ADAM33: variants seen among roughly 807,000 people sequenced by gnomAD.
ADAM33 encodes the protein disintegrin and metalloproteinase domain-containing protein 33.
ADAM33 carries 103 observed loss-of-function variants against 106.2 expected under a neutral mutation model. The observed-to-expected ratio is 0.97, with a 90% CI of 0.83 to 1.14. The LOEUF is 1.14. ADAM33 is among the 50% of genes most tolerant of loss of function. The pLI, the probability that ADAM33 is intolerant of heterozygous loss-of-function variation, is 0.00. For synonymous variants in ADAM33, 483 were observed against 453.0 expected, an observed-to-expected ratio of 1.07 and a Z score of -0.84; for missense variants, 1,120 against 1,096.6, an observed-to-expected ratio of 1.02 and a Z score of -0.30.
At chr20:3,680,097 G>A (rs532184596) in intron 1 of ADAM33, among the ~76,000 whole-genome samples, 63 of 152,246 alleles carry the variant, frequency 4.1e-4, no homozygotes, top group Non-Finnish European at 7.6e-4. Flanking sequence ...TGGTACCCTG[G>A]CCCAGAAGGC....
intron 2 of ADAM33, 50 bp downstream of exon 2, chr20:3,679,442 G>T: frequency 6.5e-7 from 1 of 1,547,776 alleles, no homozygotes; most frequent in Non-Finnish European, 8.8e-7. Context: ...GAGACAAAAG[G>T]GCTGGGAGGT....
chr20:3,678,123 T>G (rs2088137408), intron 2 of ADAM33, among the ~76,000 whole-genome samples: 1 of 152,244 alleles, frequency 6.6e-6, no homozygotes, highest in African/African-American at 2.4e-5. Context: ...GGAATGCCAC[T>G]TGCTTTATTG....
intron 14 of ADAM33, 27 bp downstream of exon 14, chr20:3,672,107 G>A (rs1331029504): frequency 5.0e-6 from 8 of 1,597,302 alleles, no homozygotes; most frequent in Non-Finnish European, 6.0e-6. Context: ...TGGGGGGCAG[G>A]GTGCAAGGGT....
At chr20:3,670,616 A>G in intron 19 of ADAM33, 1 of 203,070 alleles carries the variant, frequency 4.9e-6, no homozygotes, top group East Asian at 1.1e-4. Context: ...GAAGTGGCAA[A>G]GGGCCGAAAA....
In ADAM33 at chr20:3,673,469, C is replaced by T; in HGVS notation, c.1018G>A (p.Ala340Thr). The T allele has an allele frequency of 2.6e-6, 4 of 1,542,624 alleles. No individual in the cohort carries two copies. The highest frequency in any genetic ancestry group is 2.6e-6 in the Non-Finnish European group (3 of 1,151,428). ...TDHSELPIGA[A>T]ATMAHEIGHS... is the part of the protein sequence containing the mutation. ...CCGATCTCATGGGCCATGGTGGCTG[C>T]GGCGCCGATGGGGAGCTCCGAGTGG... Residue 340 changes from alanine to threonine, a missense_variant, in exon 11 of 22, where the codon GCA (alanine) becomes ACA (threonine). Physicochemically the swap from Ala to Thr is moderately conservative, Grantham distance 58. Coordinates refer to ENST00000356518, the MANE Select transcript of ADAM33 (RefSeq NM_025220.5).
chr20:3,675,126 G>C lies in ADAM33; in HGVS notation c.255-21C>G. On this transcript the variant is annotated intron_variant, in intron 3 of 21. Coordinates refer to ENST00000356518, the MANE Select transcript of ADAM33 (RefSeq NM_025220.5). This position sits in a 1 kb window ranked among gnomAD's most constrained non-coding sequence, Gnocchi z 4.1. ...GCCTGCTGAGAGGGGGTGTTACAGGGAACACTGAATTCAGCTTCCTCCTGC... is the reference window on the plus strand; with the variant it reads ...GCCTGCTGAGAGGGGGTGTTACAGGCAACACTGAATTCAGCTTCCTCCTGC... The C allele has an allele frequency of 1.9e-6, 3 of 1,582,494 alleles. No individual in the cohort carries two copies. In the South Asian group the frequency reaches 3.4e-5, roughly 18 times the overall value.
chr20:3,681,463 G>A (rs2088484565), intron 1 of ADAM33, among the ~76,000 whole-genome samples: 1 of 152,186 alleles, frequency 6.6e-6, no homozygotes, highest in South Asian at 2.1e-4. Flanking sequence ...GGGACTCTGG[G>A]GGACTCTTGG....
At chr20:3,673,046 G>A in intron 11 of ADAM33, 148 bp from the exon 12 acceptor site, 3 of 1,434,942 alleles carry the variant, frequency 2.1e-6, no homozygotes, top group Non-Finnish European at 1.8e-6. Flanking sequence ...CACAACAAGC[G>A]GGACAGGGGA....
rs1263119887 is a variant in ADAM33 at position 3,673,598 on chromosome 20, G to C, written c.966C>G (p.Ala322=). Residue 322 remains alanine, a synonymous_variant, in exon 10 of 22, where the codon GCC becomes GCG. Coordinates refer to ENST00000356518, the MANE Select transcript of ADAM33 (RefSeq NM_025220.5). The part of the protein sequence containing the change: ...GLAPVEGMCR[A]ESSGGVSTDH... ...CCGTGCTCACGCCTCCCGAGCTCTC[G>C]GCGCGGCACATGCCCTCGACGGGCG... 2.3e-5 allele frequency: 31 copies of C among 1,370,818 alleles called. No homozygotes were observed. The highest frequency in any genetic ancestry group is 2.8e-5 in the Non-Finnish European group (30 of 1,069,406). The allele number at this position is 1,370,818 out of a possible 1,614,324, so 84.9% of individuals were successfully genotyped here. A position where few individuals can be genotyped will look rare whatever the true frequency, so the allele number is the denominator to read the frequency against.
At chr20:3,673,206 T>A in intron 11 of ADAM33, 148 bp downstream of exon 11, 1 of 1,531,788 alleles carries the variant, frequency 6.5e-7, no homozygotes, top group Non-Finnish European at 8.7e-7. Flanking sequence ...TTCTTCCCTT[T>A]AAGCCTCATA....
intron 1 of ADAM33, 131 bp downstream of exon 1, chr20:3,681,777 A>T (rs938188026): frequency 3.0e-5 from 40 of 1,340,630 alleles, no homozygotes; most frequent in Non-Finnish European, 3.7e-5. Flanking sequence ...CCACGCCCTG[A>T]CCTACTGGCC....
At position 3,681,994 on chromosome 20, in the gene ADAM33, C is replaced by T. The variant is rs1182488160; in HGVS notation, c.11G>A (p.Arg4Lys). The T allele has an allele frequency of 1.3e-6, 2 of 1,532,116 alleles. No homozygotes were observed. Among genetic ancestry groups the T allele is most frequent in the Non-Finnish European group, 1.8e-6 (2 of 1,138,978 alleles). 94.9% of individuals were successfully genotyped at this position (1,532,116 alleles called of 1,614,324 possible). ...CGGGGTCCCCCGAGCTCTCCGGGGC[C>T]TCCAGCCCATAGCTGTGAGCTCCTC... The part of the protein sequence containing the change: MGW[R>K]PRRARGTPLL... The change falls in exon 1 of 22, where the codon AGG (arginine) becomes AAG (lysine). Residue 4 changes from arginine to lysine, a missense_variant. Coordinates refer to ENST00000356518, the MANE Select transcript of ADAM33 (RefSeq NM_025220.5).
chr20:3,672,827 C>T lies in ADAM33; in HGVS notation c.1205G>A (p.Gly402Asp). 1 of 1,575,532 alleles carries T rather than the reference C, an allele frequency of 6.3e-7. No individual in the cohort carries two copies. Among genetic ancestry groups the T allele is most frequent in the African/African-American group, 1.4e-5 (1 of 73,618 alleles). Reference protein sequence around the residue: ...QLRAFFRKGGGACLSNAPDPG... With the variant: ...QLRAFFRKGGDACLSNAPDPG... The stretch of plus-strand genomic sequence containing the variant: ...GTCCGGGGCATTGGAGAGGCAAGCG[C>T]CGCCCCCCTTGCGGAAGAAGGCGCG... The change falls in exon 12 of 22, where the codon GGC becomes GAC. Residue 402 changes from glycine to aspartate, a missense_variant. By Grantham distance (94) the Gly-to-Asp change is moderately conservative (BLOSUM62 -1). Transcript: ENST00000356518.
At chr20:3,676,989 A>G in intron 3 of ADAM33, 78 bp downstream of exon 3, 1 of 1,491,826 alleles carries the variant, frequency 6.7e-7, no homozygotes, top group Non-Finnish European at 9.1e-7. Flanking sequence ...CCATCCAGCC[A>G]CCCGCACAGA....
intron 11 of ADAM33, chr20:3,673,151 T>C: frequency 6.7e-7 from 1 of 1,487,338 alleles, no homozygotes; most frequent in Non-Finnish European, 8.9e-7. Context: ...GCCAGGTTAC[T>C]CGGAAAATAA....
chr20:3,678,698 G>A (rs2146456008), intron 2 of ADAM33, among the ~76,000 whole-genome samples: 1 of 152,328 alleles, frequency 6.6e-6, no homozygotes, highest in East Asian at 1.9e-4. Context: ...TGTAGCCAAT[G>A]GTTTAAAATC....
intron 3 of ADAM33, among the ~76,000 whole-genome samples, 200 bp downstream of exon 3, chr20:3,676,867 G>C (rs2088010989): frequency 6.6e-6 from 1 of 152,226 alleles, no homozygotes; most frequent in Non-Finnish European, 1.5e-5. Context: ...GGAGGGCGGA[G>C]GTGCCCCACA....
chr20:3,676,964 T>G, intron 3 of ADAM33, 103 bp downstream of exon 3: 1 of 1,255,304 alleles, frequency 8.0e-7, no homozygotes, highest in Non-Finnish European at 1.1e-6. Flanking sequence ...CTGCACCCTC[T>G]CTGGGGTCCT....
intron 1 of ADAM33, among the ~76,000 whole-genome samples, chr20:3,680,359 G>C: frequency 6.6e-6 from 1 of 152,148 alleles, no homozygotes; most frequent in East Asian, 1.9e-4. Context: ...CCCAGTCCCA[G>C]CTCCCAGAAC....
Sources: allele counts gnomAD v4.1 joint callset (sites outside exome capture counted in the v4.1 genomes callset), GRCh38; gene constraint gnomAD v4.1.1; non-coding constraint Gnocchi (gnomAD v3.1); transcripts MANE v1.5; gene names NCBI Gene and HGNC (gene_info 2026-07-23, HGNC 2026-07-21).